Variants in WIPI1 observed in about 807,000 individuals in gnomAD.
The protein encoded by WIPI1 is WD repeat domain, phosphoinositide interacting 1, also known as WD repeat domain phosphoinositide-interacting protein 1.
WIPI1 carries 45 observed loss-of-function variants against 55.3 expected under a neutral mutation model. The ratio of observed to expected loss-of-function variants is 0.81; its 90% confidence interval spans 0.64 to 1.04. The LOEUF (loss-of-function observed/expected upper bound fraction) is 1.04. Among genes scored for constraint, WIPI1 ranks in the 50% least tolerant of loss-of-function variants. The pLI, the probability that WIPI1 is intolerant of heterozygous loss-of-function variation, is 0.00. For missense variants in WIPI1, 445 were observed against 559.0 expected (o/e 0.80, Z 2.06); for synonymous variants, 195 against 217.6 (o/e 0.90, Z 0.92).
At chr17:68,428,518 C>T in intron 10 of WIPI1, 1 of 237,668 alleles carries the variant, frequency 4.2e-6, no homozygotes, top group Non-Finnish European at 8.4e-6. Context: ...CAGGTGTGAG[C>T]CGCCACACCT....
At position 68,457,465 on chromosome 17, in the gene WIPI1, C is replaced by G; in HGVS notation, c.-44G>C. 7.1e-7 allele frequency: 1 copy of G among 1,415,666 alleles called. No individual in the cohort carries two copies. Among genetic ancestry groups the G allele is most frequent in the African/African-American group, 1.5e-5 (1 of 66,080 alleles). 87.7% of individuals were successfully genotyped at this position (1,415,666 alleles called of 1,614,324 possible). A position where few individuals can be genotyped will look rare whatever the true frequency, so the allele number is the denominator to read the frequency against. ...AGCCGCAGCTCGGAGCCGGCGACAG[C>G]CACCTCAGCAGCCCGCCCGCGCCGG... On this transcript the variant is annotated 5_prime_UTR_variant, in exon 1 of 13. Coordinates refer to ENST00000262139, the MANE Select transcript of WIPI1 (RefSeq NM_017983.7).
intron 2 of WIPI1, among the ~76,000 whole-genome samples, chr17:68,452,471 A>G (rs915088513): frequency 1.3e-5 from 2 of 152,202 alleles, no homozygotes; most frequent in South Asian, 4.1e-4. Context: ...AGGCTGAGGC[A>G]GGAGAATCAC....
intron 3 of WIPI1, 37 bp downstream of exon 3, chr17:68,450,691 C>A (rs375567272): frequency 6.4e-7 from 1 of 1,571,852 alleles, no homozygotes. Flanking sequence ...CTCCCGTTAG[C>A]AGAAGCTTTG....
intron 12 of WIPI1, chr17:68,422,548 TG>T (rs1336560690): frequency 6.6e-6 from 1 of 151,804 alleles, no homozygotes; most frequent in African/African-American, 2.4e-5. Flanking sequence ...CTGGCCAACA[TG>T]GTGAAATCCT....
intron 11 of WIPI1, 77 bp from the exon 12 acceptor site, chr17:68,426,252 G>GGGGCCCCCCCCCC: frequency 1.2e-6 from 1 of 828,186 alleles, no homozygotes; most frequent in Admixed American, 2.3e-5. Flanking sequence ...TGGGGAGCGG[G>GGGGCCCCCCCCCC]GGCTCAAATA....
rs752683832 is a variant in WIPI1 at position 68,436,381 on chromosome 17, C to A, written c.528+1G>T. Reference sequence around the variant, plus strand: ...GCTCAGCCAGGTCACCGTCAACTTACCAGGGAGTTTCCATCATAAAGCACA... The same window carrying A: ...GCTCAGCCAGGTCACCGTCAACTTAACAGGGAGTTTCCATCATAAAGCACA... On this transcript the variant is annotated splice_donor_variant, in intron 5 of 12. Coordinates refer to ENST00000262139, the MANE Select transcript of WIPI1 (RefSeq NM_017983.7). LOFTEE classifies it high-confidence loss of function. 5.0e-6 allele frequency: 8 copies of A among 1,613,524 alleles called. No individual in the cohort carries two copies. The highest frequency in any genetic ancestry group is 6.8e-6 in the Non-Finnish European group (8 of 1,179,626).
intron 3 of WIPI1, among the ~76,000 whole-genome samples, chr17:68,448,974 G>T (rs912693533): frequency 6.6e-6 from 1 of 152,050 alleles, no homozygotes; most frequent in Non-Finnish European, 1.5e-5. Context: ...ATTTTTCACC[G>T]CACTGCTTTA....
intron 3 of WIPI1, 129 bp downstream of exon 3, chr17:68,450,599 G>T: frequency 8.0e-7 from 1 of 1,247,928 alleles, no homozygotes. Context: ...GGGACACGGG[G>T]CCTGAGTGTT....
At chr17:68,426,006 C>G in intron 12 of WIPI1, 69 bp downstream of exon 12, 1 of 1,235,164 alleles carries the variant, frequency 8.1e-7, no homozygotes, top group South Asian at 1.2e-5. Flanking sequence ...CTCTGCCTCT[C>G]GTATGAGGCG....
At chr17:68,426,253 G>GGGGGGTGGGGT in intron 11 of WIPI1, 78 bp from the exon 12 acceptor site, 1 of 841,018 alleles carries the variant, frequency 1.2e-6, no homozygotes, top group Non-Finnish European at 1.9e-6. Flanking sequence ...GGGGAGCGGG[G>GGGGGGTGGGGT]GCTCAAATAA....
Position 68,452,917 on chromosome 17 carries a change from G to C in WIPI1, c.156C>G (p.His52Gln). 1 of 1,613,682 alleles carries C rather than the reference G, an allele frequency of 6.2e-7. No homozygotes were observed. Among genetic ancestry groups the C allele is most frequent in the Non-Finnish European group, 8.5e-7 (1 of 1,179,898 alleles). Residue 52 changes from histidine to glutamine, a missense_variant, in exon 2 of 13, where the codon CAC becomes CAG. Physicochemically the swap from His to Gln is conservative, Grantham distance 24 (BLOSUM62 0). Coordinates refer to ENST00000262139, the MANE Select transcript of WIPI1 (RefSeq NM_017983.7). Reference protein sequence around the residue: ...LSSVEQLDQVHGSNEIPDVYI... With the variant: ...LSSVEQLDQVQGSNEIPDVYI... The stretch of plus-strand genomic sequence containing the variant: ...TCTCTCACACACACTTACTGCTTCC[G>C]TGGACTTGATCCAGCTGCTCCACAG...
rs1158877699 is a variant in WIPI1 at position 68,421,737 on chromosome 17, A to G, written c.*36T>C. The G allele has an allele frequency of 6.2e-7, 1 of 1,611,626 alleles. No individual in the cohort carries two copies. Among genetic ancestry groups the G allele is most frequent in the Non-Finnish European group, 8.5e-7 (1 of 1,179,394 alleles). ...CTTGTTTTCTCCAAAACCACCTGAT[A>G]GGGGGGATGTCCTGATTTCTGAGGT... On this transcript the variant is annotated 3_prime_UTR_variant, in exon 13 of 13. Transcript: ENST00000262139.
intron 12 of WIPI1, chr17:68,424,531 A>C (rs2083023579): frequency 1.9e-6 from 1 of 533,336 alleles, no homozygotes; most frequent in Non-Finnish European, 3.9e-6. Context: ...TCAGTGCCCA[A>C]GTGGCAGCTC....
chr17:68,426,881 A>G (rs2083228764), intron 11 of WIPI1, among the ~76,000 whole-genome samples: 1 of 152,222 alleles, frequency 6.6e-6, no homozygotes, highest in Non-Finnish European at 1.5e-5. Context: ...ACTTGTTAGG[A>G]AAAAGACCGT....
chr17:68,431,600 G>C (rs979798519), intron 8 of WIPI1, among the ~76,000 whole-genome samples: 1 of 148,970 alleles, frequency 6.7e-6, no homozygotes, highest in African/African-American at 2.5e-5. Flanking sequence ...AGATGATATA[G>C]GATGGACTGG....
At chr17:68,427,301 A>G (rs199609940) in intron 10 of WIPI1, 48 bp from the exon 11 acceptor site, 11 of 1,407,726 alleles carry the variant, frequency 7.8e-6, no homozygotes, top group South Asian at 6.9e-5. Context: ...AAATCATCAT[A>G]TATCTAGGAC....
intron 4 of WIPI1, among the ~76,000 whole-genome samples, chr17:68,437,948 T>TAAAA (rs199649033): frequency 2.4e-4 from 19 of 78,798 alleles, no homozygotes; most frequent in African/African-American, 7.1e-4. Flanking sequence ...ACATCTCTCT[T>TAAAA]AAAAAAAAAA....
At chr17:68,450,574 G>C (rs1054724986) in intron 3 of WIPI1, among the ~76,000 whole-genome samples, 154 bp downstream of exon 3, 4 of 152,206 alleles carry the variant, frequency 2.6e-5, no homozygotes, top group African/African-American at 9.6e-5. Context: ...AGTAGACTCT[G>C]TTTACAATAC....
chr17:68,437,022 G>A (rs62085922), intron 4 of WIPI1, among the ~76,000 whole-genome samples: 6 of 140,240 alleles, frequency 4.3e-5, no homozygotes, highest in African/African-American at 1.5e-4. Context: ...ATATATGTGT[G>A]TGTGTGTGTG....
Sources: allele counts gnomAD v4.1 joint callset (sites outside exome capture counted in the v4.1 genomes callset), GRCh38; gene constraint gnomAD v4.1.1; transcripts MANE v1.5; gene names NCBI Gene and HGNC (gene_info 2026-07-23, HGNC 2026-07-21).